The following RYR2 variants were observed in gnomAD, a reference collection of about 807,000 sequenced individuals.
RYR2 encodes cardiac muscle ryanodine receptor-calcium release channel.
Under a neutral mutation model 601.1 loss-of-function variants are expected in RYR2, and 227 were observed. The ratio of observed to expected loss-of-function variants is 0.38; its 90% CI spans 0.34 to 0.42. The LOEUF is 0.42. Among genes scored for constraint, RYR2 ranks in the 10% least tolerant of loss-of-function variants. The pLI is 1.00. For missense variants in RYR2, 4,646 were observed against 6,156.5 expected (o/e 0.75, Z 8.21); for synonymous variants, 2,223 against 2,175.1 (o/e 1.02, Z -0.61).
Position 237,705,348 on chromosome 1 carries a change from C to T in RYR2, c.9580+5C>T, listed in dbSNP as rs1423686606. 1.2e-6 allele frequency: 2 copies of T among 1,601,128 alleles called. No individual in the cohort carries two copies. Among genetic ancestry groups the T allele is most frequent in the Non-Finnish European group, 1.7e-6 (2 of 1,172,514 alleles). ...AGTCTTCACGAGAAAGAGCAGGTAA[C>T]ACAGAAACATGTGCAGTGCTTTGAG... On this transcript the variant is annotated splice_donor_5th_base_variant and intron_variant, in intron 67 of 104. Transcript: ENST00000366574.
intron 35 of RYR2, among the ~76,000 whole-genome samples, chr1:237,607,896 AGTATCCGTT>A (rs1266626440): frequency 6.6e-6 from 1 of 152,204 alleles, no homozygotes; most frequent in African/African-American, 2.4e-5. Context: ...TGGGGTTCAC[AGTATCCGTT>A]TTATGGAGTT....
At chr1:237,671,035 G>T (rs1361677040) in intron 58 of RYR2, among the ~76,000 whole-genome samples, 2 of 152,112 alleles carry the variant, frequency 1.3e-5, no homozygotes, top group Non-Finnish European at 2.9e-5. Context: ...CCATACTTCT[G>T]CATACAACTT....
At chr1:237,118,521 T>A (rs1240722186) in intron 1 of RYR2, among the ~76,000 whole-genome samples, 1 of 152,024 alleles carries the variant, frequency 6.6e-6, no homozygotes, top group Non-Finnish European at 1.5e-5. Flanking sequence ...TATAGTCAAG[T>A]GCACAGAGAC....
chr1:237,422,150 C>T (rs1281932208), intron 11 of RYR2, among the ~76,000 whole-genome samples: 1 of 152,160 alleles, frequency 6.6e-6, no homozygotes, highest in Non-Finnish European at 1.5e-5. Context: ...CCTAAATACA[C>T]AACCTTCAGT....
chr1:237,583,535 A>G (rs182801552), intron 29 of RYR2, among the ~76,000 whole-genome samples: 1 of 152,316 alleles, frequency 6.6e-6, no homozygotes, highest in African/African-American at 2.4e-5. Flanking sequence ...TATATGGCAC[A>G]TAGTAGGCCA....
intron 10 of RYR2, among the ~76,000 whole-genome samples, chr1:237,415,166 TC>T (rs1222487673): frequency 1.3e-5 from 2 of 152,198 alleles, no homozygotes; most frequent in African/African-American, 4.8e-5. Context: ...GACTGTACTT[TC>T]CAAGGCTTGG....
At chr1:237,550,823 A>G in intron 27 of RYR2, 132 bp downstream of exon 27, 1 of 1,005,864 alleles carries the variant, frequency 9.9e-7, no homozygotes, top group Non-Finnish European at 1.4e-6. Flanking sequence ...AGCCAAGTGG[A>G]TTTTCTTCCC....
At chr1:237,597,836 A>G (rs1430854107) in intron 34 of RYR2, among the ~76,000 whole-genome samples, 1 of 152,202 alleles carries the variant, frequency 6.6e-6, no homozygotes, top group Non-Finnish European at 1.5e-5. Context: ...CCTATCAATA[A>G]TAACCTTGAA....
chr1:237,082,966 G>A (rs964985549), intron 1 of RYR2, among the ~76,000 whole-genome samples: 4 of 152,020 alleles, frequency 2.6e-5, no homozygotes, highest in African/African-American at 9.7e-5. Flanking sequence ...TTTCCCCGAC[G>A]ATTTACTTTC....
At chr1:237,639,673 A>G (rs1681257377) in intron 46 of RYR2, among the ~76,000 whole-genome samples, 1 of 152,180 alleles carries the variant, frequency 6.6e-6, no homozygotes, top group Admixed American at 6.5e-5. Flanking sequence ...GTTGAGGTAC[A>G]GAAGACAGAT....
At chr1:237,143,033 G>A (rs535053543) in intron 1 of RYR2, among the ~76,000 whole-genome samples, 1 of 152,212 alleles carries the variant, frequency 6.6e-6, no homozygotes, top group South Asian at 2.1e-4. Context: ...TAGTTCCTCG[G>A]TGTTCTTAAA....
intron 1 of RYR2, among the ~76,000 whole-genome samples, chr1:237,081,755 A>G (rs1021375697): frequency 2.0e-5 from 3 of 152,018 alleles, no homozygotes; most frequent in African/African-American, 7.2e-5. Flanking sequence ...ATTTATATGG[A>G]TAGGAGGCAG....
At chr1:237,272,878 A>T (rs895664301) in intron 2 of RYR2, among the ~76,000 whole-genome samples, 2 of 152,042 alleles carry the variant, frequency 1.3e-5, no homozygotes, top group African/African-American at 4.8e-5. Flanking sequence ...TTAGACCTGG[A>T]GACTGCATGA....
At chr1:237,785,924 G>GTGA in intron 90 of RYR2, 45 bp from the exon 91 acceptor site, 1 of 1,338,854 alleles carries the variant, frequency 7.5e-7, no homozygotes, top group Non-Finnish European at 1.1e-6. Flanking sequence ...TCATTCAAAG[G>GTGA]TGATGGGTAA....
At chr1:237,671,774 G>A (rs1233930633) in intron 58 of RYR2, among the ~76,000 whole-genome samples, 1 of 151,974 alleles carries the variant, frequency 6.6e-6, no homozygotes, top group Admixed American at 6.6e-5. Flanking sequence ...AAAATCAGAT[G>A]CCATAAGGAG....
In RYR2 at chr1:237,208,936, GTATATATATATATATATATATATA is replaced by G. The variant is rs56133827; in HGVS notation, c.49-61535_49-61512del. Among the ~76,000 whole-genome samples the G allele has an allele frequency of 1.6e-3, 147 of 89,878 alleles. 1 individual carries two copies. The highest frequency in any genetic ancestry group is 4.8e-3 in the African/African-American group (109 of 22,682). The allele number at this position is 89,878 out of a possible 152,430, so 59.0% of individuals were successfully genotyped here. A position where few individuals can be genotyped will look rare whatever the true frequency, so the allele number is the denominator to read the frequency against. On this transcript the variant is annotated intron_variant, in intron 1 of 104. Transcript: ENST00000366574. ...CATCTGTACAACCAAATGTGTGTGT[GTATATATATATATATATATATATA>G]TATATATATATATATATATATATAT...
intron 60 of RYR2, among the ~76,000 whole-genome samples, 173 bp downstream of exon 60, chr1:237,675,019 A>G (rs1409955363): frequency 6.6e-6 from 1 of 152,120 alleles, no homozygotes; most frequent in Non-Finnish European, 1.5e-5. Context: ...GTTCTTGGGG[A>G]GTGGGTAAAA....
chr1:237,055,292 G>A (rs1423346258), intron 1 of RYR2, among the ~76,000 whole-genome samples: 3 of 152,110 alleles, frequency 2.0e-5, no homozygotes, highest in Non-Finnish European at 4.4e-5. Context: ...TAAGGTAAAA[G>A]GGGCCCTGGA....
chr1:237,502,118 A>G (rs2150485023), intron 21 of RYR2, among the ~76,000 whole-genome samples: 1 of 152,296 alleles, frequency 6.6e-6, no homozygotes, highest in South Asian at 2.1e-4. Flanking sequence ...TGACTGTGTC[A>G]CTGCACCCCT....
Sources: gnomAD v4.1 joint callset for allele counts (sites outside exome capture counted in the v4.1 genomes callset) on GRCh38, gnomAD v4.1.1 for gene constraint, MANE v1.5 for transcripts, NCBI Gene and HGNC (gene_info 2026-07-23, HGNC 2026-07-21) for gene names.